DLG2: variants seen among roughly 807,000 people sequenced by gnomAD.
DLG2 encodes discs large MAGUK scaffold protein 2, also known as disks large homolog 2.
A neutral mutation model predicts 132.5 loss-of-function variants in DLG2; 45 were observed. That is an observed-to-expected ratio of 0.34 (90% CI 0.27 to 0.44). DLG2 has a LOEUF of 0.44. Ranked by LOEUF, DLG2 falls within the 20% of genes least tolerant of loss-of-function variation. The pLI is 1.00. For synonymous variants in DLG2, 424 were observed against 419.6 expected (o/e 1.01, Z -0.13); for missense variants, 1,045 against 1,196.9 (o/e 0.87, Z 1.87).
intron 6 of DLG2, among the ~76,000 whole-genome samples, chr11:85,025,732 C>G (rs867586981): frequency 6.6e-6 from 1 of 152,042 alleles, no homozygotes; most frequent in South Asian, 2.1e-4. Flanking sequence ...AAGGTTTTGT[C>G]TATTCAAATA....
chr11:85,270,993 A>C (rs1308852021), intron 4 of DLG2, among the ~76,000 whole-genome samples: 1 of 152,198 alleles, frequency 6.6e-6, no homozygotes. Flanking sequence ...GGCTGCAGAC[A>C]TTTGCATAAA....
intron 17 of DLG2, among the ~76,000 whole-genome samples, chr11:83,826,967 A>G (rs1337358865): frequency 6.6e-6 from 1 of 152,160 alleles, no homozygotes; most frequent in African/African-American, 2.4e-5. Context: ...TTAGTATTTC[A>G]GAGCGTGCTT....
At chr11:85,481,980 A>AGG (rs2093305611) in intron 3 of DLG2, among the ~76,000 whole-genome samples, 1 of 152,244 alleles carries the variant, frequency 6.6e-6, no homozygotes, top group South Asian at 2.1e-4. Flanking sequence ...TTGAGCTCCA[A>AGG]GCCTGCCACA....
chr11:84,188,424 C>T (rs1455761068), intron 8 of DLG2, among the ~76,000 whole-genome samples: 1 of 152,060 alleles, frequency 6.6e-6, no homozygotes, highest in Non-Finnish European at 1.5e-5. Flanking sequence ...GATTTTATCT[C>T]CACTTTAAAT....
At chr11:83,778,171 G>A (rs2094664181) in intron 18 of DLG2, among the ~76,000 whole-genome samples, 1 of 152,086 alleles carries the variant, frequency 6.6e-6, no homozygotes, top group African/African-American at 2.4e-5. Context: ...GCATATCTCT[G>A]TGCAACATTC....
rs539909788 is a variant in DLG2, at chr11:84,190,956, G to A, written c.574-27445C>T. Reference sequence around the variant, plus strand: ...GTATTGCACACATCAAAATAAACACGTTCATTAAGTATGTACTGACCAAAC... The same window carrying A: ...GTATTGCACACATCAAAATAAACACATTCATTAAGTATGTACTGACCAAAC... On this transcript the variant is annotated intron_variant, in intron 8 of 27. Coordinates refer to ENST00000376104, the MANE Select transcript of DLG2 (RefSeq NM_001142699.3). Among the ~76,000 whole-genome samples the A allele has an allele frequency of 1.3e-4, 20 of 152,198 alleles. No individual in the cohort carries two copies. The South Asian group carries it at 1.5e-3, about 11-fold the overall frequency.
At chr11:84,472,941 A>G (rs925996840) in intron 7 of DLG2, among the ~76,000 whole-genome samples, 1 of 152,084 alleles carries the variant, frequency 6.6e-6, no homozygotes, top group Non-Finnish European at 1.5e-5. Flanking sequence ...TTGCAACACA[A>G]GAATAAACGT....
At chr11:84,161,365 A>G (rs752681298) in intron 9 of DLG2, among the ~76,000 whole-genome samples, 14 of 152,182 alleles carry the variant, frequency 9.2e-5, no homozygotes, top group Non-Finnish European at 1.8e-4. Context: ...AGAAGTTTCA[A>G]TGAGAAGGTA....
At chr11:85,314,609 T>TG (rs1267201484) in intron 3 of DLG2, among the ~76,000 whole-genome samples, 5 of 151,996 alleles carry the variant, frequency 3.3e-5, no homozygotes, top group Non-Finnish European at 7.4e-5. Flanking sequence ...TACTTTATTT[T>TG]GGGGGGTGAA....
intron 18 of DLG2, among the ~76,000 whole-genome samples, chr11:83,777,239 A>T (rs936241683): frequency 7.2e-5 from 11 of 152,254 alleles, no homozygotes; most frequent in Non-Finnish European, 1.0e-4. Context: ...AAATGTGAGG[A>T]AGCTAAGAGG....
In DLG2 at chr11:84,707,822, A is replaced by T. The variant is rs2059939244; in HGVS notation, c.358-173091T>A. 3.3e-5 allele frequency among the ~76,000 whole-genome samples: 5 copies of T among 151,918 alleles called. No homozygotes were observed. The South Asian group carries it at 1.0e-3, about 32-fold the overall frequency. On this transcript the variant is annotated intron_variant, in intron 6 of 27. Transcript: ENST00000376104. ...CTCATTTTGATCATACAAATATATA[A>T]ATAAAAACTGTGGGGCAAGCACCAG...
chr11:84,661,521 G>C (rs1286524633), intron 6 of DLG2, among the ~76,000 whole-genome samples: 1 of 152,144 alleles, frequency 6.6e-6, no homozygotes, highest in Non-Finnish European at 1.5e-5. Context: ...TAAAACTATA[G>C]AGTGACATGA....
At chr11:83,695,227 A>T (rs1240831852) in intron 18 of DLG2, among the ~76,000 whole-genome samples, 1 of 152,220 alleles carries the variant, frequency 6.6e-6, no homozygotes, top group East Asian at 1.9e-4. Context: ...AGCATCTATT[A>T]TATGCCTGAC....
intron 15 of DLG2, among the ~76,000 whole-genome samples, chr11:83,918,201 G>A (rs1470008363): frequency 6.6e-6 from 1 of 152,146 alleles, no homozygotes; most frequent in African/African-American, 2.4e-5. Flanking sequence ...ATACATTAGG[G>A]GGCCTTTTAC....
At chr11:85,381,123 C>T (rs369044260) in intron 3 of DLG2, among the ~76,000 whole-genome samples, 8 of 152,138 alleles carry the variant, frequency 5.3e-5, no homozygotes, top group Admixed American at 2.6e-4. Context: ...GGAGTGCTAG[C>T]GACTGTAGTC....
chr11:84,206,539 C>T (rs1344909127), intron 8 of DLG2, among the ~76,000 whole-genome samples: 2 of 152,082 alleles, frequency 1.3e-5, no homozygotes, highest in East Asian at 3.9e-4. Context: ...TAGGATAATA[C>T]ATCAGGACCA....
chr11:84,403,016 C>G (rs2098836121), intron 7 of DLG2, among the ~76,000 whole-genome samples: 1 of 150,534 alleles, frequency 6.6e-6, no homozygotes, highest in Non-Finnish European at 1.5e-5. Flanking sequence ...CTCTCTCTGG[C>G]TAGAGGATGG....
intron 19 of DLG2, among the ~76,000 whole-genome samples, chr11:83,569,671 T>C (rs1309229288): frequency 6.6e-6 from 1 of 152,186 alleles, no homozygotes; most frequent in Non-Finnish European, 1.5e-5. Flanking sequence ...GTTTCTCTTA[T>C]CCTTGTAAGT....
At chr11:85,114,429 A>AAAAGGT (rs2073238295) in intron 5 of DLG2, among the ~76,000 whole-genome samples, 1 of 152,018 alleles carries the variant, frequency 6.6e-6, no homozygotes, top group Admixed American at 6.6e-5. Flanking sequence ...AGTTGGTGAC[A>AAAAGGT]AAAGGTAAAG....
Sources: gnomAD v4.1 joint callset for allele counts (sites outside exome capture counted in the v4.1 genomes callset) on GRCh38, gnomAD v4.1.1 for gene constraint, MANE v1.5 for transcripts, NCBI Gene and HGNC (gene_info 2026-07-23, HGNC 2026-07-21) for gene names.